Variants in POFUT3 observed in about 807,000 individuals in gnomAD.
POFUT3 encodes GDP-fucose protein O-fucosyltransferase 3.
the POFUT3 span, among the ~76,000 whole-genome samples, chr8:33,426,070 AT>A: frequency 1.3e-5 from 2 of 151,470 alleles, no homozygotes; most frequent in Non-Finnish European, 2.9e-5. Flanking sequence ...TGCCCAGCTA[AT>A]TTTTTGTATT....
the POFUT3 span, among the ~76,000 whole-genome samples, chr8:33,327,050 T>G: frequency 6.6e-6 from 1 of 152,186 alleles, no homozygotes; most frequent in African/African-American, 2.4e-5. Flanking sequence ...AGTGCTGGGA[T>G]TACAGGTGTG....
chr8:33,330,925 G>A, the POFUT3 span, among the ~76,000 whole-genome samples: 2 of 152,108 alleles, frequency 1.3e-5, no homozygotes, highest in Non-Finnish European at 2.9e-5. Context: ...TCTATGGGGA[G>A]GCACTATGGT....
the POFUT3 span, among the ~76,000 whole-genome samples, chr8:33,405,716 T>A: frequency 1.3e-5 from 2 of 152,248 alleles, no homozygotes; most frequent in African/African-American, 4.8e-5. Flanking sequence ...AGATTCATTC[T>A]AACTCAGAGC....
chr8:33,443,024 G>A, the POFUT3 span, among the ~76,000 whole-genome samples: 331 of 152,158 alleles, frequency 2.2e-3, 2 homozygotes, highest in African/African-American at 7.7e-3. Flanking sequence ...GAGATGGGGG[G>A]ATCAGTTGAG....
the POFUT3 span, among the ~76,000 whole-genome samples, chr8:33,422,016 C>A: frequency 6.7e-6 from 1 of 149,122 alleles, no homozygotes; most frequent in South Asian, 2.1e-4. Flanking sequence ...AACAACCACA[C>A]AGAAAACAAA....
the POFUT3 span, among the ~76,000 whole-genome samples, chr8:33,440,013 A>C: frequency 6.6e-6 from 1 of 151,944 alleles, no homozygotes; most frequent in Admixed American, 6.6e-5. Context: ...CTTCCTCTTC[A>C]AGTCTCTGCC....
the POFUT3 span, among the ~76,000 whole-genome samples, chr8:33,363,886 T>C: frequency 2.6e-5 from 4 of 152,074 alleles, no homozygotes; most frequent in East Asian, 1.9e-4. Flanking sequence ...TTCCAATCAA[T>C]AGAAAAAGAG....
chr8:33,350,615 C>CA, the POFUT3 span, among the ~76,000 whole-genome samples: 2 of 152,110 alleles, frequency 1.3e-5, no homozygotes. Context: ...CTCAGACATA[C>CA]AATTTTAATG....
chr8:33,441,311 A>G, the POFUT3 span, among the ~76,000 whole-genome samples: 1 of 141,734 alleles, frequency 7.1e-6, no homozygotes, highest in Non-Finnish European at 1.6e-5. Context: ...AGCCTGGACA[A>G]CAGAGCAAGA....
the POFUT3 span, among the ~76,000 whole-genome samples, chr8:33,442,709 C>G: frequency 1.3e-5 from 2 of 152,070 alleles, no homozygotes; most frequent in African/African-American, 2.4e-5. Flanking sequence ...ATCTGCCCGC[C>G]TTGGCCTCCT....
chr8:33,388,884 A>C, the POFUT3 span: 1 of 1,150,970 alleles, frequency 8.7e-7, no homozygotes, highest in Non-Finnish European at 1.3e-6. Flanking sequence ...AGGTGGCAAC[A>C]ACAGAAGGAA....
chr8:33,328,883 G>A, the POFUT3 span, among the ~76,000 whole-genome samples: 3 of 152,182 alleles, frequency 2.0e-5, no homozygotes, highest in Non-Finnish European at 4.4e-5. Flanking sequence ...TCTCTAAAAA[G>A]AGGAGCCTGG....
chr8:33,339,200 A>G, the POFUT3 span, among the ~76,000 whole-genome samples: 1 of 152,354 alleles, frequency 6.6e-6, no homozygotes, highest in East Asian at 1.9e-4. Flanking sequence ...GTAAATTTCA[A>G]CGAAGAGATA....
chr8:33,433,473 G>A, the POFUT3 span, among the ~76,000 whole-genome samples: 4 of 150,910 alleles, frequency 2.7e-5, no homozygotes, highest in East Asian at 2.0e-4. Context: ...TTAGCCAGGC[G>A]CGGTGGCAGG....
the POFUT3 span, among the ~76,000 whole-genome samples, chr8:33,471,076 A>G: frequency 6.6e-6 from 1 of 152,238 alleles, no homozygotes; most frequent in Admixed American, 6.5e-5. Flanking sequence ...AATCTGAAAG[A>G]CATTTTAAGA....
the POFUT3 span, among the ~76,000 whole-genome samples, chr8:33,353,094 G>A: frequency 6.6e-6 from 1 of 152,196 alleles, no homozygotes; most frequent in Admixed American, 6.5e-5. Flanking sequence ...AGTCCCCAGT[G>A]TCACTTTCCA....
the POFUT3 span, among the ~76,000 whole-genome samples, chr8:33,348,052 C>G: frequency 6.6e-6 from 1 of 151,914 alleles, no homozygotes; most frequent in South Asian, 2.1e-4. Flanking sequence ...GTGGTGGGCA[C>G]CTGTAATCTC....
chr8:33,431,945 G>A, the POFUT3 span, among the ~76,000 whole-genome samples: 3 of 152,058 alleles, frequency 2.0e-5, no homozygotes, highest in Non-Finnish European at 4.4e-5. Context: ...CCCTCTGAGG[G>A]ACCACACCAT....
At chr8:33,446,598 C>A in the POFUT3 span, among the ~76,000 whole-genome samples, 1 of 152,086 alleles carries the variant, frequency 6.6e-6, no homozygotes, top group African/African-American at 2.4e-5. Flanking sequence ...TTGGATGGTC[C>A]ATTGCTCAAG....
Sources: gnomAD v4.1 joint callset for allele counts (sites outside exome capture counted in the v4.1 genomes callset) on GRCh38, gnomAD v4.1.1 for gene constraint, MANE v1.5 for transcripts, NCBI Gene and HGNC (gene_info 2026-07-23, HGNC 2026-07-21) for gene names.